The following SPAG16 variants were observed in gnomAD, a reference collection of about 807,000 sequenced individuals.
SPAG16 encodes the protein sperm-associated antigen 16 protein.
SPAG16 carries 86 observed loss-of-function variants against 80.4 expected under a neutral mutation model. The ratio of observed to expected loss-of-function variants is 1.07; its 90% CI spans 0.90 to 1.28. SPAG16 has a LOEUF of 1.28. Among genes scored for constraint, SPAG16 ranks in the 50% most tolerant of loss-of-function variants. The probability of loss-of-function intolerance (pLI) is 0.00; values close to 1 mark genes in which losing one functional copy is unlikely to be tolerated. For synonymous variants in SPAG16, 294 were observed against 265.9 expected, an observed-to-expected ratio of 1.11 and a Z score of -1.03; for missense variants, 870 against 765.3, an observed-to-expected ratio of 1.14 and a Z score of -1.61.
At chr2:213,996,986 G>A (rs2046553240) in intron 12 of SPAG16, among the ~76,000 whole-genome samples, 1 of 152,152 alleles carries the variant, frequency 6.6e-6, no homozygotes, top group South Asian at 2.1e-4. Context: ...ATGCTCTAGG[G>A]TCTGGAAAGA....
chr2:213,990,474 TAATTGACACA>T (rs1475326556), intron 12 of SPAG16, among the ~76,000 whole-genome samples: 1 of 152,142 alleles, frequency 6.6e-6, no homozygotes, highest in Non-Finnish European at 1.5e-5. Flanking sequence ...ACTGATAAGA[TAATTGACACA>T]AATAACTGAT....
At chr2:213,600,314 T>C (rs538833062) in intron 10 of SPAG16, among the ~76,000 whole-genome samples, 79 of 152,188 alleles carry the variant, frequency 5.2e-4, no homozygotes, top group Admixed American at 4.8e-3. Flanking sequence ...GAGGAGAGGA[T>C]AGAATTTTGA....
At chr2:213,713,485 G>A (rs965149548) in intron 10 of SPAG16, among the ~76,000 whole-genome samples, 3 of 152,152 alleles carry the variant, frequency 2.0e-5, no homozygotes, top group African/African-American at 7.2e-5. Context: ...AACAAATGAG[G>A]TCTCTAGGGG....
intron 10 of SPAG16, among the ~76,000 whole-genome samples, chr2:213,541,242 A>C (rs143834548): frequency 6.6e-6 from 1 of 152,174 alleles, no homozygotes. Context: ...TGTAGTCTCT[A>C]GAGGAAAATC....
chr2:214,281,576 T>A (rs1692940548), intron 15 of SPAG16: 2 of 152,246 alleles, frequency 1.3e-5, no homozygotes, highest in South Asian at 4.1e-4. Flanking sequence ...ACGGGAACTC[T>A]CACACACTCC....
intron 15 of SPAG16, among the ~76,000 whole-genome samples, chr2:214,272,394 T>C (rs1213053941): frequency 1.3e-5 from 2 of 152,268 alleles, no homozygotes; most frequent in East Asian, 3.9e-4. Flanking sequence ...TTGCTGCACC[T>C]ATTAACTCAT....
At chr2:213,628,140 C>G (rs972383452) in intron 10 of SPAG16, among the ~76,000 whole-genome samples, 2 of 152,148 alleles carry the variant, frequency 1.3e-5, no homozygotes, top group Non-Finnish European at 2.9e-5. Flanking sequence ...GTTGTCACAG[C>G]CAAATTTTTA....
At chr2:214,051,794 T>G (rs1415247788) in intron 13 of SPAG16, among the ~76,000 whole-genome samples, 1 of 152,210 alleles carries the variant, frequency 6.6e-6, no homozygotes, top group Non-Finnish European at 1.5e-5. Context: ...ATGATCAGCC[T>G]TAATGGTTGA....
chr2:213,825,701 C>CTTTTTTTTTTTTTT (rs55777958), intron 10 of SPAG16, among the ~76,000 whole-genome samples: 4 of 109,798 alleles, frequency 3.6e-5, no homozygotes, highest in East Asian at 2.6e-4. Context: ...TTCTTTCTTT[C>CTTTTTTTTTTTTTT]TTTTTTTTTT....
chr2:214,293,798 C>A lies in SPAG16; in HGVS notation c.1721-116342C>A, dbSNP rs559589565. Among the ~76,000 whole-genome samples the A allele has an allele frequency of 8.5e-5, 13 of 152,198 alleles. 1 individual carries two copies. Among genetic ancestry groups the A allele is most frequent in the African/African-American group, 3.1e-4 (13 of 41,498 alleles). On this transcript the variant is annotated intron_variant, in intron 15 of 15. Coordinates refer to ENST00000331683, the MANE Select transcript of SPAG16 (RefSeq NM_024532.5). Reference sequence around the variant, plus strand: ...CCTGTGGCAGCTCTGGTAGCAGTGGCCCCAGGGCAGAATGCAGGCCTTTGA... The same window carrying A: ...CCTGTGGCAGCTCTGGTAGCAGTGGACCCAGGGCAGAATGCAGGCCTTTGA...
intron 15 of SPAG16, among the ~76,000 whole-genome samples, chr2:214,204,596 G>C (rs1007468907): frequency 3.3e-5 from 5 of 152,146 alleles, no homozygotes; most frequent in African/African-American, 1.2e-4. Context: ...CTGCAGTTTG[G>C]CTCTCAGAAA....
chr2:213,514,745 T>G (rs930216902), intron 10 of SPAG16, among the ~76,000 whole-genome samples: 6 of 151,924 alleles, frequency 3.9e-5, no homozygotes, highest in Non-Finnish European at 7.4e-5. Flanking sequence ...TAAAGTAAAT[T>G]ATAATTTTAA....
chr2:214,293,495 G>A (rs1255491911), intron 15 of SPAG16, among the ~76,000 whole-genome samples: 1 of 152,206 alleles, frequency 6.6e-6, no homozygotes, highest in Admixed American at 6.5e-5. Flanking sequence ...ATGAAAGCTG[G>A]TGAGCAGATT....
chr2:213,625,982 A>C (rs760464905), intron 10 of SPAG16, among the ~76,000 whole-genome samples: 3 of 152,030 alleles, frequency 2.0e-5, no homozygotes, highest in Non-Finnish European at 4.4e-5. Flanking sequence ...GAGCCACCAC[A>C]CCCGGCCTCT....
At chr2:213,736,111 A>G (rs561705609) in intron 10 of SPAG16, among the ~76,000 whole-genome samples, 4 of 152,234 alleles carry the variant, frequency 2.6e-5, no homozygotes, top group Admixed American at 6.5e-5. Flanking sequence ...ACTCTATTCA[A>G]TAATTTAATT....
At chr2:213,302,693 G>A (rs1420463402) in intron 3 of SPAG16, 1 of 149,968 alleles carries the variant, frequency 6.7e-6, no homozygotes, top group East Asian at 1.9e-4. Flanking sequence ...ATAAATTGAG[G>A]TATATTTACA....
intron 10 of SPAG16, among the ~76,000 whole-genome samples, chr2:213,529,108 ATTCTC>A (rs1182110338): frequency 6.6e-6 from 1 of 152,222 alleles, no homozygotes; most frequent in Non-Finnish European, 1.5e-5. Context: ...TAATGAAACT[ATTCTC>A]TACTTTAGAG....
At position 213,513,941 on chromosome 2, in the gene SPAG16, C is replaced by A. The variant is rs200885829; in HGVS notation, c.1070+23851C>A. ...ATAGATTGCAAATCTTTTCTTATAG[C>A]TTTGGTCAGAAAGTATGGAGGAGGA... On this transcript the variant is annotated intron_variant, in intron 10 of 15. Transcript: ENST00000331683. Among the ~76,000 whole-genome samples the A allele has an allele frequency of 2.6e-5, 4 of 152,018 alleles. No individual in the cohort carries two copies. The East Asian group carries it at 7.7e-4, about 29-fold the overall frequency.
intron 6 of SPAG16, among the ~76,000 whole-genome samples, chr2:213,345,928 G>A (rs1028097904): frequency 1.3e-5 from 2 of 152,176 alleles, no homozygotes. Context: ...AAAGTCATGG[G>A]TAGCCTGATA....
Sources: allele counts gnomAD v4.1 joint callset (sites outside exome capture counted in the v4.1 genomes callset), GRCh38; gene constraint gnomAD v4.1.1; transcripts MANE v1.5; gene names NCBI Gene and HGNC (gene_info 2026-07-23, HGNC 2026-07-21).